Variants in FREM1 observed in about 807,000 individuals in gnomAD.
The protein encoded by FREM1 is FRAS1-related extracellular matrix protein 1.
A neutral mutation model predicts 210.1 loss-of-function variants in FREM1; 220 were observed. That is an observed-to-expected ratio of 1.05 (90% CI 0.94 to 1.17). The LOEUF is 1.17. FREM1 is among the 50% of genes most tolerant of loss of function. FREM1 has a pLI of 0.00. For synonymous variants in FREM1, 1,189 were observed against 980.2 expected (o/e 1.21, Z -3.98); for missense variants, 3,454 against 2,675.5 (o/e 1.29, Z -6.42).
intron 22 of FREM1, among the ~76,000 whole-genome samples, chr9:14,789,748 A>T (rs1210539367): frequency 6.6e-6 from 1 of 152,254 alleles, no homozygotes; most frequent in African/African-American, 2.4e-5. Context: ...AAGTAAGCCA[A>T]CATTATTTAA....
rs563839685 is a variant in FREM1, at chr9:14,794,875, G to A, written c.3840-1991C>T. 5.2e-3 allele frequency among the ~76,000 whole-genome samples: 787 copies of A among 152,110 alleles called. 8 individuals are homozygous for A. Among genetic ancestry groups the A allele is most frequent in the African/African-American group, 0.018 (737 of 41,512 alleles). On this transcript the variant is annotated intron_variant, in intron 21 of 36. Transcript: ENST00000380880. ...TAGCCAGGCGTGGTGGCAGGCGCCTGTAGTCCCAGCTACTTGGGAGGCTGA... is the reference window on the plus strand; with the variant it reads ...TAGCCAGGCGTGGTGGCAGGCGCCTATAGTCCCAGCTACTTGGGAGGCTGA...
chr9:14,799,682 T>G (rs1248234424), intron 20 of FREM1, among the ~76,000 whole-genome samples: 4 of 152,164 alleles, frequency 2.6e-5, no homozygotes, highest in African/African-American at 9.7e-5. Flanking sequence ...AAACAATGTA[T>G]TCTATTATTT....
chr9:14,872,537 G>C (rs1277477713), intron 1 of FREM1, among the ~76,000 whole-genome samples: 2 of 152,174 alleles, frequency 1.3e-5, no homozygotes, highest in South Asian at 2.1e-4. Context: ...AGACTTTGCT[G>C]AAGTTGCTTA....
At chr9:14,905,046 G>C (rs1446147949) in intron 1 of FREM1, among the ~76,000 whole-genome samples, 1 of 151,844 alleles carries the variant, frequency 6.6e-6, no homozygotes, top group African/African-American at 2.4e-5. Flanking sequence ...AATACACTTT[G>C]CCACATGTTG....
At chr9:14,784,693 G>A (rs1247200724) in intron 23 of FREM1, 59 bp from the exon 24 acceptor site, 6 of 1,344,308 alleles carry the variant, frequency 4.5e-6, no homozygotes, top group Admixed American at 2.8e-5. Flanking sequence ...TATGTCCAAG[G>A]CAAAGGCAGA....
chr9:14,764,778 T>C (rs1043010781), intron 27 of FREM1, among the ~76,000 whole-genome samples: 1 of 152,158 alleles, frequency 6.6e-6, no homozygotes, highest in Non-Finnish European at 1.5e-5. Flanking sequence ...AATATGTTCT[T>C]TCTGATATTT....
chr9:14,846,070 T>A lies in FREM1; in HGVS notation c.1283A>T (p.Gln428Leu). The A allele has an allele frequency of 3.1e-6, 5 of 1,587,428 alleles. No individual in the cohort carries two copies. The African/African-American group carries it at 6.7e-5, about 21-fold the overall frequency. ...CTGTTCCCAAGTGATGGCTCGAGAC[T>A]GCCCCTCAAGGAGACTCAGACCTAT... is the stretch of plus-strand genomic sequence containing the variant. ...WNTGLSLLEG[Q>L]SRAITWEQFQ... The change falls in exon 8 of 37, where the codon CAG becomes CTG. Residue 428 changes from glutamine (Q) to leucine (L), a missense_variant. Physicochemically the swap from Gln to Leu is moderately radical, Grantham distance 113. Transcript: ENST00000380880.
intron 27 of FREM1, among the ~76,000 whole-genome samples, chr9:14,761,826 T>C (rs1050778626): frequency 6.6e-6 from 1 of 152,200 alleles, no homozygotes; most frequent in Admixed American, 6.5e-5. Flanking sequence ...AGCCACAGTG[T>C]CACAGTGCTT....
At chr9:14,843,752 A>G (rs1225384470) in intron 8 of FREM1, among the ~76,000 whole-genome samples, 2 of 123,102 alleles carry the variant, frequency 1.6e-5, no homozygotes. Context: ...CCATCTGGAA[A>G]GTTTTAGAAA....
intron 1 of FREM1, among the ~76,000 whole-genome samples, chr9:14,906,970 A>T (rs1026968809): frequency 3.3e-5 from 5 of 152,206 alleles, no homozygotes; most frequent in Non-Finnish European, 5.9e-5. Flanking sequence ...CCTTTGGATG[A>T]TGCACAAAAA....
chr9:14,789,847 A>T (rs776956823), intron 22 of FREM1, among the ~76,000 whole-genome samples: 8 of 152,178 alleles, frequency 5.3e-5, no homozygotes, highest in Non-Finnish European at 1.2e-4. Context: ...CTAACAACTG[A>T]CAGTGTTAGA....
intron 1 of FREM1, among the ~76,000 whole-genome samples, chr9:14,886,784 G>T (rs1230723645): frequency 6.6e-6 from 1 of 151,608 alleles, no homozygotes; most frequent in Non-Finnish European, 1.5e-5. Context: ...TGTGGTCCCA[G>T]CCACTGGGGA....
intron 10 of FREM1, 87 bp downstream of exon 10, chr9:14,841,360 C>A: frequency 8.9e-7 from 1 of 1,121,954 alleles, no homozygotes; most frequent in Non-Finnish European, 1.2e-6. Flanking sequence ...ACCTTGAAAC[C>A]TATTTTCATG....
intron 1 of FREM1, among the ~76,000 whole-genome samples, chr9:14,884,759 T>C (rs944507434): frequency 6.6e-6 from 1 of 152,000 alleles, no homozygotes; most frequent in Admixed American, 6.6e-5. Context: ...GCAATGGAAA[T>C]TCTTAACGGT....
intron 21 of FREM1, among the ~76,000 whole-genome samples, chr9:14,796,362 T>C (rs957499377): frequency 3.9e-5 from 6 of 152,250 alleles, no homozygotes; most frequent in African/African-American, 9.6e-5. Flanking sequence ...TTTTTACTTA[T>C]AGCTCTAGAG....
chr9:14,747,256 T>C lies in FREM1; in HGVS notation c.6009+8A>G, dbSNP rs886500882. ...AAGGTGAGTAAGAAGGAACAAAGAT[T>C]TTCATACCTGTCTGGGGAAGTGTGA... On this transcript the variant is annotated splice_region_variant and intron_variant, in intron 33 of 36. Coordinates refer to ENST00000380880, the MANE Select transcript of FREM1 (RefSeq NM_001379081.2). 24 of 1,608,110 alleles carry C rather than the reference T, an allele frequency of 1.5e-5. No individual in the cohort carries two copies. Among genetic ancestry groups the C allele is most frequent in the Non-Finnish European group, 1.9e-5 (22 of 1,177,312 alleles).
At chr9:14,823,564 C>T (rs1409681960) in intron 12 of FREM1, among the ~76,000 whole-genome samples, 2 of 152,152 alleles carry the variant, frequency 1.3e-5, no homozygotes, top group Non-Finnish European at 1.5e-5. Flanking sequence ...AGGAGCATGG[C>T]CCTGCCAACA....
chr9:14,840,526 G>A lies in FREM1; in HGVS notation c.1881+921C>T, dbSNP rs138737920. Among the ~76,000 whole-genome samples, 261 of 152,240 alleles carry A rather than the reference G, an allele frequency of 1.7e-3. 2 individuals carry two copies. The highest frequency in any genetic ancestry group is 5.9e-3 in the African/African-American group (247 of 41,544). On this transcript the variant is annotated intron_variant, in intron 10 of 36. Coordinates refer to ENST00000380880, the MANE Select transcript of FREM1 (RefSeq NM_001379081.2). ...CGCAAGCTTGTACAGGGGACCACCCGTTTTTAAAACCATCAGATCCCGTGA... is the reference window on the plus strand; with the variant it reads ...CGCAAGCTTGTACAGGGGACCACCCATTTTTAAAACCATCAGATCCCGTGA...
At position 14,859,350 on chromosome 9, in the gene FREM1, T is replaced by G. The variant is rs1829376029; in HGVS notation, c.464A>C (p.Asp155Ala). ...PEFNGLSQAI[D>A]KNLLRFDYDR... The stretch of plus-strand genomic sequence containing the variant: ...ATAATCGAATCTGAGCAGATTTTTA[T>G]CAATCGCTTGGGACAAGCCATTGAA... Residue 155 changes from aspartate to alanine, a missense_variant, in exon 4 of 37, where the codon GAT becomes GCT. Transcript: ENST00000380880. 1 of 1,613,966 alleles carries G rather than the reference T, an allele frequency of 6.2e-7. No individual in the cohort carries two copies. Among genetic ancestry groups the G allele is most frequent in the Non-Finnish European group, 8.5e-7 (1 of 1,179,880 alleles).
Sources: allele counts gnomAD v4.1 joint callset (sites outside exome capture counted in the v4.1 genomes callset), GRCh38; gene constraint gnomAD v4.1.1; transcripts MANE v1.5; gene names NCBI Gene and HGNC (gene_info 2026-07-23, HGNC 2026-07-21).